Variants in DSE observed in about 807,000 individuals in gnomAD.
DSE encodes dermatan-sulfate epimerase.
Under a neutral mutation model 84.4 loss-of-function variants are expected in DSE, and 36 were observed. The observed-to-expected ratio is 0.43, with a 90% CI of 0.33 to 0.56. The LOEUF (loss-of-function observed/expected upper bound fraction) is 0.56. DSE is among the 20% of genes least tolerant of loss of function. DSE has a pLI of 0.06. For missense variants in DSE, 862 were observed against 1,169.6 expected (o/e 0.74, Z 3.84); for synonymous variants, 410 against 430.1 (o/e 0.95, Z 0.58).
chr6:116,406,239 A>C (rs1781922897), intron 2 of DSE, among the ~76,000 whole-genome samples: 1 of 152,172 alleles, frequency 6.6e-6, no homozygotes, highest in African/African-American at 2.4e-5. Flanking sequence ...GAGTTGTCAG[A>C]GGGAACTGTG....
chr6:116,410,733 C>CAAAAAAAAAAAAAAA (rs765969508), intron 2 of DSE, among the ~76,000 whole-genome samples: 4 of 79,602 alleles, frequency 5.0e-5, no homozygotes, highest in East Asian at 4.0e-4. Flanking sequence ...GACTCTGTCT[C>CAAAAAAAAAAAAAAA]AAAAAAAAAA....
At position 116,266,507 on chromosome 6, in the gene DSE, A is replaced by G. The variant is rs1297390729; in HGVS notation, c.-54+7540A>G. ...CATTCTACTAAGATATGTTGTCATC[A>G]TCAAAATTATTCAAGAATTTTGAAT... On this transcript the variant is annotated intron_variant, in intron 2 of 3. Transcript: ENST00000430252. Among the ~76,000 whole-genome samples the G allele has an allele frequency of 2.0e-5, 3 of 152,234 alleles. No individual in the cohort carries two copies. The East Asian group carries it at 5.8e-4, about 29-fold the overall frequency.
intron 2 of DSE, among the ~76,000 whole-genome samples, chr6:116,408,193 T>A (rs1782060842): frequency 6.6e-6 from 1 of 152,224 alleles, no homozygotes; most frequent in Admixed American, 6.5e-5. Flanking sequence ...ATCTTCTAGA[T>A]TCGGCTCCAA....
At chr6:116,278,892 TCTGAGTTC>T in intron 2 of DSE, 1 of 1,614,190 alleles carries the variant, frequency 6.2e-7, no homozygotes, top group East Asian at 2.2e-5. Flanking sequence ...TTCTAGGGTG[TCTGAGTTC>T]CTTCACCTCT....
intron 2 of DSE, among the ~76,000 whole-genome samples, chr6:116,269,770 T>C (rs1484278826): frequency 1.3e-5 from 2 of 152,216 alleles, no homozygotes; most frequent in Non-Finnish European, 2.9e-5. Context: ...TACATACTTT[T>C]AATAGCTGAC....
At chr6:116,358,116 C>A (rs1778681505) in intron 2 of DSE, among the ~76,000 whole-genome samples, 1 of 152,210 alleles carries the variant, frequency 6.6e-6, no homozygotes, top group African/African-American at 2.4e-5. Flanking sequence ...GCAGGCAAGT[C>A]TTCTTTGCCT....
chr6:116,258,654 C>T (rs1471211481), exon 2 of DSE: 2 of 1,612,420 alleles, frequency 1.2e-6, no homozygotes, highest in Non-Finnish European at 1.7e-6. Context: ...CACCTGTGCA[C>T]AGCAGCCAGA....
At chr6:116,299,952 A>G (rs1356628236) in intron 2 of DSE, among the ~76,000 whole-genome samples, 1 of 152,170 alleles carries the variant, frequency 6.6e-6, no homozygotes, top group Non-Finnish European at 1.5e-5. Flanking sequence ...GCAACATTAG[A>G]TGGAAATATA....
intron 2 of DSE, chr6:116,279,786 G>A: frequency 6.2e-7 from 1 of 1,612,874 alleles, no homozygotes; most frequent in African/African-American, 1.3e-5. Context: ...TGATGCTGTG[G>A]GTTTGGAGGG....
chr6:116,305,317 G>A (rs144882839), intron 2 of DSE, among the ~76,000 whole-genome samples: 1 of 151,944 alleles, frequency 6.6e-6, no homozygotes, highest in Non-Finnish European at 1.5e-5. Flanking sequence ...CTTTCTTGAA[G>A]ACCTTAGTTA....
chr6:116,265,915 C>G (rs969673711), intron 2 of DSE, among the ~76,000 whole-genome samples: 1 of 152,136 alleles, frequency 6.6e-6, no homozygotes, highest in Admixed American at 6.5e-5. Context: ...GGCTTGCTGC[C>G]CCTACCCCTT....
intron 2 of DSE, among the ~76,000 whole-genome samples, chr6:116,322,843 A>G (rs1342135633): frequency 6.6e-6 from 1 of 152,162 alleles, no homozygotes; most frequent in African/African-American, 2.4e-5. Context: ...GGCAGGGTAG[A>G]AGAGACTGCA....
intron 2 of DSE, among the ~76,000 whole-genome samples, chr6:116,333,743 G>C (rs1777085939): frequency 6.6e-6 from 1 of 152,056 alleles, no homozygotes; most frequent in South Asian, 2.1e-4. Context: ...GTTTATAAAA[G>C]CATCCTTTAA....
At chr6:116,392,965 G>A (rs1247672501) in intron 1 of DSE, among the ~76,000 whole-genome samples, 1 of 152,176 alleles carries the variant, frequency 6.6e-6, no homozygotes, top group Non-Finnish European at 1.5e-5. Flanking sequence ...ACCAGACCCT[G>A]TACTGAGGTT....
intron 2 of DSE, among the ~76,000 whole-genome samples, chr6:116,338,430 C>T (rs939712725): frequency 5.3e-5 from 8 of 151,704 alleles, no homozygotes; most frequent in African/African-American, 1.9e-4. Context: ...CACTATGTTG[C>T]CTAGGCTGGT....
intron 1 of DSE, among the ~76,000 whole-genome samples, chr6:116,384,541 ACT>A (rs1368105980): frequency 6.6e-6 from 1 of 151,740 alleles, no homozygotes; most frequent in East Asian, 1.9e-4. Context: ...CTCTCAGTAA[ACT>A]CTGTGATAAT....
At chr6:116,328,331 G>A (rs1776747362) in intron 2 of DSE, among the ~76,000 whole-genome samples, 1 of 152,126 alleles carries the variant, frequency 6.6e-6, no homozygotes, top group Admixed American at 6.5e-5. Flanking sequence ...ATTAACATTT[G>A]TTACACTCTT....
intron 1 of DSE, among the ~76,000 whole-genome samples, chr6:116,375,789 T>C (rs1779886893): frequency 6.6e-6 from 1 of 152,208 alleles, no homozygotes; most frequent in Non-Finnish European, 1.5e-5. Context: ...CATTTTGAAA[T>C]TGCCCAGTAC....
Position 116,415,408 on chromosome 6 carries a change from G to A in DSE, c.417-11166G>A, listed in dbSNP as rs1328055889. Among the ~76,000 whole-genome samples the A allele has an allele frequency of 5.3e-5, 8 of 152,286 alleles. No homozygotes were observed. The East Asian group carries it at 9.6e-4, about 18-fold the overall frequency. On this transcript the variant is annotated intron_variant, in intron 2 of 5. Coordinates refer to ENST00000644252, the MANE Select transcript of DSE (RefSeq NM_013352.4). ...TAGTGTTTTGAAATTACGGGATGAT[G>A]TATCTTGTTTTGAGATGAGTCTGTG...
Sources: allele counts gnomAD v4.1 joint callset (sites outside exome capture counted in the v4.1 genomes callset), GRCh38; gene constraint gnomAD v4.1.1; transcripts MANE v1.5; gene names NCBI Gene and HGNC (gene_info 2026-07-23, HGNC 2026-07-21).